CAMK2D: variants seen among roughly 807,000 people sequenced by gnomAD.
CAMK2D encodes calcium/calmodulin dependent protein kinase II delta, also known as calcium/calmodulin-dependent protein kinase type II subunit delta.
In CAMK2D, 37 loss-of-function variants were observed where a neutral mutation model predicts 84.0. The ratio of observed to expected loss-of-function variants is 0.44; its 90% CI spans 0.34 to 0.58. The LOEUF is 0.58. Ranked by LOEUF, CAMK2D falls within the 20% of genes least tolerant of loss-of-function variation. CAMK2D has a pLI of 0.02. For synonymous variants in CAMK2D, 202 were observed against 212.5 expected (o/e 0.95, Z 0.43); for missense variants, 448 against 652.5 (o/e 0.69, Z 3.41).
chr4:113,566,841 C>G (rs2098726938), intron 4 of CAMK2D, among the ~76,000 whole-genome samples: 1 of 152,178 alleles, frequency 6.6e-6, no homozygotes, highest in South Asian at 2.1e-4. Context: ...TAGTTACGCA[C>G]CAAATATCAC....
chr4:113,482,221 T>C (rs1270152750), intron 16 of CAMK2D, among the ~76,000 whole-genome samples: 2 of 152,204 alleles, frequency 1.3e-5, no homozygotes, highest in Admixed American at 1.3e-4. Context: ...CAGCAAAAGA[T>C]GATTATATCT....
chr4:113,515,541 T>C (rs542775665), intron 9 of CAMK2D, among the ~76,000 whole-genome samples: 1 of 152,198 alleles, frequency 6.6e-6, no homozygotes, highest in Non-Finnish European at 1.5e-5. Context: ...TATACAATCT[T>C]TCTCATAATT....
chr4:113,508,391 G>C, intron 13 of CAMK2D: 1 of 690,540 alleles, frequency 1.4e-6, no homozygotes, highest in Non-Finnish European at 2.6e-6. Flanking sequence ...TTGAATGGAA[G>C]GAAAAAGTTC....
Position 113,761,664 on chromosome 4 carries a change from G to A in CAMK2D, c.-596C>T. The A allele has an allele frequency of 1.0e-6, 1 of 984,966 alleles. No homozygotes were observed. Among genetic ancestry groups the A allele is most frequent in the Middle Eastern group, 5.2e-4 (1 of 1,910 alleles). The allele number at this position is 984,966 out of a possible 1,614,324, so 61.0% of individuals were successfully genotyped here. On this transcript the variant is annotated 5_prime_UTR_variant, in exon 1 of 21. Transcript: ENST00000511664. ...CCTCCGGCGGGCGGCAGCGGCTCCGGCGAAGCGAGGCACCTTGGCGGCCTC... is the reference window on the plus strand; with the variant it reads ...CCTCCGGCGGGCGGCAGCGGCTCCGACGAAGCGAGGCACCTTGGCGGCCTC...
chr4:113,501,740 T>C (rs1229476997), intron 15 of CAMK2D, among the ~76,000 whole-genome samples: 3 of 152,014 alleles, frequency 2.0e-5, no homozygotes, highest in Non-Finnish European at 2.9e-5. Context: ...CAGCAAGAAA[T>C]ATCATGCAGC....
At chr4:113,637,670 G>C (rs2099115304) in intron 3 of CAMK2D, among the ~76,000 whole-genome samples, 1 of 152,078 alleles carries the variant, frequency 6.6e-6, no homozygotes, top group Non-Finnish European at 1.5e-5. Flanking sequence ...CTGTCCCTTA[G>C]AGATTTACTG....
intron 3 of CAMK2D, among the ~76,000 whole-genome samples, chr4:113,642,088 T>C (rs2099134601): frequency 6.6e-6 from 1 of 152,048 alleles, no homozygotes; most frequent in Admixed American, 6.6e-5. Context: ...AAGTGGTAGA[T>C]TCCTAGAGCC....
intron 16 of CAMK2D, among the ~76,000 whole-genome samples, chr4:113,473,874 G>A (rs980233500): frequency 9.2e-5 from 14 of 151,926 alleles, no homozygotes; most frequent in Non-Finnish European, 1.6e-4. Context: ...AGGATATCAC[G>A]GGTTACAGTA....
intron 3 of CAMK2D, 26 bp from the exon 4 acceptor site, chr4:113,609,232 T>C: frequency 3.1e-6 from 4 of 1,309,164 alleles, no homozygotes; most frequent in Non-Finnish European, 3.3e-6. Context: ...AGAAGAAAAA[T>C]TGTGTTATAC....
intron 16 of CAMK2D, among the ~76,000 whole-genome samples, chr4:113,484,236 C>A (rs1326719929): frequency 6.6e-6 from 1 of 152,148 alleles, no homozygotes; most frequent in Non-Finnish European, 1.5e-5. Context: ...AATTTAGTAA[C>A]CCAATGTCTA....
chr4:113,750,721 A>G (rs1463823093), intron 2 of CAMK2D, among the ~76,000 whole-genome samples: 3 of 152,206 alleles, frequency 2.0e-5, no homozygotes, highest in African/African-American at 4.8e-5. Flanking sequence ...AAAAGAGTTG[A>G]AGCAGCCAGG....
At chr4:113,660,800 T>C (rs930709639) in intron 3 of CAMK2D, among the ~76,000 whole-genome samples, 3 of 150,466 alleles carry the variant, frequency 2.0e-5, no homozygotes, top group Admixed American at 1.3e-4. Context: ...ATTCTTTTTT[T>C]TTTTTTTTTT....
At chr4:113,729,820 C>T (rs1477227711) in intron 2 of CAMK2D, among the ~76,000 whole-genome samples, 1 of 152,146 alleles carries the variant, frequency 6.6e-6, no homozygotes, top group East Asian at 1.9e-4. Context: ...CTCCCTTGCC[C>T]TTTCCACCAT....
At chr4:113,474,498 C>CT (rs70961831) in intron 16 of CAMK2D, among the ~76,000 whole-genome samples, 1,429 of 89,828 alleles carry the variant, frequency 0.016, 48 homozygotes, top group South Asian at 0.026. Flanking sequence ...CCTTTTTGGC[C>CT]TTTTTTTTTT....
rs998003114 is a variant in CAMK2D, at chr4:113,513,087, G to A, written c.946+241C>T. 28 of 702,630 alleles carry A rather than the reference G, an allele frequency of 4.0e-5. No homozygotes were observed. The African/African-American group carries it at 5.0e-4, about 13-fold the overall frequency. The allele number at this position is 702,630 out of a possible 1,614,324, so 43.5% of individuals were successfully genotyped here. On this transcript the variant is annotated intron_variant, in intron 12 of 20. Coordinates refer to ENST00000511664, the MANE Select transcript of CAMK2D (RefSeq NM_001321571.2). ...AGTCCTGCACCAGCACTGACTGGTGGCCACTGCTGCCAGAAGCAGTCTTGT... is the reference window on the plus strand; with the variant it reads ...AGTCCTGCACCAGCACTGACTGGTGACCACTGCTGCCAGAAGCAGTCTTGT...
chr4:113,648,844 G>T (rs2099161708), intron 3 of CAMK2D, among the ~76,000 whole-genome samples: 1 of 152,112 alleles, frequency 6.6e-6, no homozygotes, highest in Non-Finnish European at 1.5e-5. Flanking sequence ...AAGATCAGGG[G>T]TTTGGGTAGT....
chr4:113,653,253 T>G (rs2099183359), intron 3 of CAMK2D, among the ~76,000 whole-genome samples: 1 of 152,060 alleles, frequency 6.6e-6, no homozygotes, highest in African/African-American at 2.4e-5. Flanking sequence ...GCTGTGCTAG[T>G]TCTCACATTT....
chr4:113,496,446 C>CTTTT (rs543371495), intron 16 of CAMK2D, among the ~76,000 whole-genome samples: 2 of 120,702 alleles, frequency 1.7e-5, no homozygotes, highest in Non-Finnish European at 3.5e-5. Context: ...CTCCCATTTG[C>CTTTT]TTTTTTTTTT....
intron 16 of CAMK2D, among the ~76,000 whole-genome samples, chr4:113,477,507 A>T (rs930147695): frequency 6.6e-6 from 1 of 151,440 alleles, no homozygotes; most frequent in African/African-American, 2.4e-5. Flanking sequence ...GCACTTTGGG[A>T]GGCTGAGGTG....
Sources: allele counts gnomAD v4.1 joint callset (sites outside exome capture counted in the v4.1 genomes callset), GRCh38; gene constraint gnomAD v4.1.1; transcripts MANE v1.5; gene names NCBI Gene and HGNC (gene_info 2026-07-23, HGNC 2026-07-21).